The following CFAP299 variants were observed in gnomAD, a reference collection of about 807,000 sequenced individuals.
The protein encoded by CFAP299 is cilia and flagella associated protein 299.
Under a neutral mutation model 27.0 loss-of-function variants are expected in CFAP299, and 21 were observed. The observed-to-expected ratio is 0.78, with a 90% CI of 0.55 to 1.12. The LOEUF (loss-of-function observed/expected upper bound fraction) is 1.12, where lower values mean the gene tolerates loss of function less well. Among genes scored for constraint, CFAP299 ranks in the 50% most tolerant of loss-of-function variants. The pLI is 0.00. For missense variants in CFAP299, 310 were observed against 276.6 expected (o/e 1.12, Z -0.86); for synonymous variants, 104 against 98.1 (o/e 1.06, Z -0.36).
At chr4:80,745,122 C>T (rs921383283) in intron 3 of CFAP299, among the ~76,000 whole-genome samples, 1 of 152,098 alleles carries the variant, frequency 6.6e-6, no homozygotes, top group Non-Finnish European at 1.5e-5. Context: ...GAGAAAGCAA[C>T]ATATTTTGAG....
At chr4:80,532,275 G>T (rs1733516476) in intron 2 of CFAP299, among the ~76,000 whole-genome samples, 1 of 152,004 alleles carries the variant, frequency 6.6e-6, no homozygotes, top group Non-Finnish European at 1.5e-5. Context: ...TTTTAAATAA[G>T]ACAAATTAGC....
chr4:80,386,574 G>A, intron 2 of CFAP299: 3 of 1,597,604 alleles, frequency 1.9e-6, no homozygotes, highest in Non-Finnish European at 2.6e-6. Flanking sequence ...AGACGACAGC[G>A]GTGATCTTTG....
intron 3 of CFAP299, among the ~76,000 whole-genome samples, chr4:80,595,038 T>C (rs566705742): frequency 7.9e-5 from 12 of 152,282 alleles, no homozygotes; most frequent in Middle Eastern, 3.4e-3. Context: ...CTTAGTTCCA[T>C]TTCTTTAGTT....
intron 3 of CFAP299, among the ~76,000 whole-genome samples, chr4:80,711,970 CA>C (rs1225025306): frequency 6.6e-6 from 1 of 152,150 alleles, no homozygotes; most frequent in African/African-American, 2.4e-5. Context: ...CCTTTGCTTG[CA>C]TTTCTAAAAT....
intron 3 of CFAP299, among the ~76,000 whole-genome samples, chr4:80,830,066 T>C (rs1374445531): frequency 6.6e-6 from 1 of 152,052 alleles, no homozygotes; most frequent in Non-Finnish European, 1.5e-5. Context: ...GTTACAATGG[T>C]AAATTTTAGG....
intron 3 of CFAP299, among the ~76,000 whole-genome samples, chr4:80,609,355 G>A (rs1458035341): frequency 6.6e-6 from 1 of 152,040 alleles, no homozygotes; most frequent in Non-Finnish European, 1.5e-5. Context: ...ACTATGTCAT[G>A]CTGTTCCTAC....
rs919074526 is a variant in CFAP299 at position 80,782,820 on chromosome 4, A to G, written c.334-87173A>G. On this transcript the variant is annotated intron_variant, in intron 3 of 5. Coordinates refer to ENST00000358105, the MANE Select transcript of CFAP299 (RefSeq NM_152770.3). Reference sequence around the variant, plus strand: ...TGGGTGCACACGAGTGTGTAATTACATATATATTCCATGTAGATATCTACA... The same window carrying G: ...TGGGTGCACACGAGTGTGTAATTACGTATATATTCCATGTAGATATCTACA... Among the ~76,000 whole-genome samples, 40 of 150,570 alleles carry G rather than the reference A, an allele frequency of 2.7e-4. No individual in the cohort carries two copies. In the East Asian group the frequency reaches 4.8e-3, roughly 18 times the overall value.
chr4:80,428,795 T>C (rs148406522), intron 2 of CFAP299, among the ~76,000 whole-genome samples: 186 of 152,014 alleles, frequency 1.2e-3, no homozygotes, highest in Non-Finnish European at 1.7e-3. Flanking sequence ...TGCCTTGGCC[T>C]CCCAAAGTGC....
At chr4:80,387,221 G>C (rs1038090706) in intron 2 of CFAP299, 4 of 1,441,512 alleles carry the variant, frequency 2.8e-6, no homozygotes, top group Admixed American at 1.7e-5. Flanking sequence ...GTCGTACATC[G>C]GGGGTAAGTC....
intron 2 of CFAP299, among the ~76,000 whole-genome samples, chr4:80,396,878 A>T (rs150170553): frequency 0.017 from 2,592 of 152,224 alleles, 72 homozygotes; most frequent in African/African-American, 0.058. Context: ...TGGTGTCAGG[A>T]TGATGCTGGC....
rs538594898 is a variant in CFAP299 at position 80,853,155 on chromosome 4, C to T, written c.334-16838C>T. ...AATTAATTCTCCTGTCTCAGCCTCC[C>T]AAGTAACTGGGATTACAGGTACCTG... On this transcript the variant is annotated intron_variant, in intron 3 of 5. Transcript: ENST00000358105. 2.6e-5 allele frequency among the ~76,000 whole-genome samples: 4 copies of T among 152,228 alleles called. No individual in the cohort carries two copies. In the East Asian group the frequency reaches 7.7e-4, roughly 29 times the overall value.
At chr4:80,504,534 T>C (rs59497228) in intron 2 of CFAP299, among the ~76,000 whole-genome samples, 9,585 of 129,722 alleles carry the variant, frequency 0.074, 542 homozygotes, top group East Asian at 0.26. Flanking sequence ...CAATGAATTC[T>C]TTTTAAAAAT....
chr4:80,677,274 T>C (rs996629304), intron 3 of CFAP299, among the ~76,000 whole-genome samples: 4 of 152,110 alleles, frequency 2.6e-5, no homozygotes, highest in African/African-American at 9.6e-5. Flanking sequence ...CCTCTTGATA[T>C]TGATTTCTTG....
chr4:80,515,728 G>T (rs1211763520), intron 2 of CFAP299, among the ~76,000 whole-genome samples: 1 of 152,064 alleles, frequency 6.6e-6, no homozygotes, highest in Admixed American at 6.6e-5. Context: ...TTGTTTTTTG[G>T]AGGGTAGCCA....
At chr4:80,857,266 C>T (rs911692625) in intron 3 of CFAP299, among the ~76,000 whole-genome samples, 4 of 152,154 alleles carry the variant, frequency 2.6e-5, no homozygotes, top group Non-Finnish European at 4.4e-5. Flanking sequence ...TATCCTGAGA[C>T]TTTGGTGAAG....
At chr4:80,762,822 A>C (rs1449653919) in intron 3 of CFAP299, among the ~76,000 whole-genome samples, 1 of 152,140 alleles carries the variant, frequency 6.6e-6, no homozygotes, top group Non-Finnish European at 1.5e-5. Flanking sequence ...ACAGGGGTAA[A>C]AAAGTCCTGA....
In CFAP299 at chr4:80,799,358, T is replaced by C. The variant is rs1388498667; in HGVS notation, c.334-70635T>C. Among the ~76,000 whole-genome samples the C allele has an allele frequency of 7.0e-5, 7 of 99,562 alleles. No individual in the cohort carries two copies. In the South Asian group the frequency reaches 2.1e-3, roughly 29 times the overall value. The allele number at this position is 99,562 out of a possible 152,430, so 65.3% of individuals were successfully genotyped here. On this transcript the variant is annotated intron_variant, in intron 3 of 5. Transcript: ENST00000358105. ...ATATTTATATATATAAATGTATTTA[T>C]ATAATATTTATATATATAAATGTAT...
intron 4 of CFAP299, among the ~76,000 whole-genome samples, chr4:80,889,942 C>T (rs1734175725): frequency 3.3e-5 from 5 of 151,932 alleles, no homozygotes; most frequent in Admixed American, 2.6e-4. Flanking sequence ...TGATAAGAAT[C>T]CTCAAAGAAC....
intron 1 of CFAP299, chr4:80,336,505 G>C (rs1722151845): frequency 6.6e-6 from 1 of 152,312 alleles, no homozygotes; most frequent in African/African-American, 2.4e-5. Flanking sequence ...CACAAAAAAG[G>C]AGCGAAACTG....
Sources: gnomAD v4.1 joint callset for allele counts (sites outside exome capture counted in the v4.1 genomes callset) on GRCh38, gnomAD v4.1.1 for gene constraint, MANE v1.5 for transcripts, NCBI Gene and HGNC (gene_info 2026-07-23, HGNC 2026-07-21) for gene names.